SEC14L1: variants seen among roughly 807,000 people sequenced by gnomAD.
The protein encoded by SEC14L1 is SEC14 like lipid binding 1.
SEC14L1 carries 48 observed loss-of-function variants against 85.3 expected under a neutral mutation model. That is an observed-to-expected ratio of 0.56 (90% confidence interval 0.45 to 0.72). SEC14L1 has a LOEUF of 0.72. Among genes scored for constraint, SEC14L1 ranks in the 30% least tolerant of loss-of-function variants. The pLI is 0.00. For missense variants in SEC14L1, 682 were observed against 921.4 expected (o/e 0.74, Z 3.36); for synonymous variants, 391 against 355.5 (o/e 1.10, Z -1.12).
At chr17:77,148,684 G>A (rs1275403105) in intron 3 of SEC14L1, among the ~76,000 whole-genome samples, 3 of 152,210 alleles carry the variant, frequency 2.0e-5, no homozygotes, top group East Asian at 1.9e-4. Context: ...TCGTTGCAGC[G>A]TAAGCCCCTC....
intron 3 of SEC14L1, among the ~76,000 whole-genome samples, chr17:77,174,577 C>T (rs943626145): frequency 6.6e-6 from 1 of 152,190 alleles, no homozygotes; most frequent in Non-Finnish European, 1.5e-5. Context: ...GCCTTTTTCT[C>T]CCGCGTTGCT....
chr17:77,154,540 T>C (rs1358983491), intron 3 of SEC14L1, among the ~76,000 whole-genome samples: 2 of 152,140 alleles, frequency 1.3e-5, no homozygotes, highest in Non-Finnish European at 2.9e-5. Flanking sequence ...TATCAGGGAC[T>C]GGGGCATCCA....
intron 3 of SEC14L1, among the ~76,000 whole-genome samples, chr17:77,130,387 G>A (rs1453867235): frequency 6.6e-6 from 1 of 152,018 alleles, no homozygotes; most frequent in Middle Eastern, 3.2e-3. Flanking sequence ...CGCTGTCTCG[G>A]CTCACTGCAA....
At chr17:77,212,501 C>T (rs1976811500) in intron 15 of SEC14L1, among the ~76,000 whole-genome samples, 1 of 152,216 alleles carries the variant, frequency 6.6e-6, no homozygotes, top group Non-Finnish European at 1.5e-5. Context: ...TCCCCCCCGC[C>T]TCATTTCACC....
At chr17:77,172,141 T>TA (rs1375705105) in intron 3 of SEC14L1, among the ~76,000 whole-genome samples, 4 of 152,094 alleles carry the variant, frequency 2.6e-5, no homozygotes, top group Non-Finnish European at 4.4e-5. Flanking sequence ...AGGGGGAAGA[T>TA]AACAAACTGA....
At chr17:77,150,072 T>G (rs1973488010) in intron 3 of SEC14L1, among the ~76,000 whole-genome samples, 1 of 152,196 alleles carries the variant, frequency 6.6e-6, no homozygotes, top group African/African-American at 2.4e-5. Flanking sequence ...CAGTTGTCGA[T>G]TAAATGGCCC....
upstream of SEC14L1, among the ~76,000 whole-genome samples, chr17:77,139,332 C>T (rs577363009): frequency 2.0e-4 from 30 of 152,008 alleles, no homozygotes; most frequent in African/African-American, 7.2e-4. Context: ...GCACCACACC[C>T]GGCTACTTTT....
intron 3 of SEC14L1, among the ~76,000 whole-genome samples, chr17:77,157,761 C>A (rs570783026): frequency 6.6e-6 from 1 of 152,080 alleles, no homozygotes; most frequent in Non-Finnish European, 1.5e-5. Flanking sequence ...CTCCTGACCT[C>A]GTGATGCGTC....
intron 3 of SEC14L1, among the ~76,000 whole-genome samples, chr17:77,179,111 T>C (rs938869607): frequency 1.3e-5 from 2 of 152,216 alleles, no homozygotes; most frequent in African/African-American, 2.4e-5. Context: ...GGTGTACGAA[T>C]GGAAGAAGCT....
chr17:77,150,583 T>C (rs1008896487), intron 3 of SEC14L1, among the ~76,000 whole-genome samples: 1 of 152,350 alleles, frequency 6.6e-6, no homozygotes, highest in South Asian at 2.1e-4. Flanking sequence ...GCGACTCATA[T>C]ATCTTACTTC....
chr17:77,164,970 CG>C (rs1974222667), intron 3 of SEC14L1, among the ~76,000 whole-genome samples: 1 of 152,172 alleles, frequency 6.6e-6, no homozygotes, highest in African/African-American at 2.4e-5. Context: ...CCAAGTAGAT[CG>C]TGTTTCCTTA....
At chr17:77,183,833 A>AT (rs35363686) in intron 3 of SEC14L1, among the ~76,000 whole-genome samples, 40,046 of 147,990 alleles carry the variant, frequency 0.27, 5,460 homozygotes, top group Middle Eastern at 0.33. Flanking sequence ...AGACTCTGAC[A>AT]TTTTTTTTTT....
At chr17:77,139,967 C>G (rs2143486102), upstream of SEC14L1, among the ~76,000 whole-genome samples, 1 of 152,296 alleles carries the variant, frequency 6.6e-6, no homozygotes, top group East Asian at 1.9e-4. Context: ...AATTCCTAAA[C>G]AGGTCCAAAA....
chr17:77,095,893 C>T (rs1423819119), intron 3 of SEC14L1, among the ~76,000 whole-genome samples: 2 of 152,018 alleles, frequency 1.3e-5, no homozygotes, highest in Admixed American at 6.6e-5. Context: ...TGGGCGCGCT[C>T]CTCCTACACA....
chr17:77,164,203 C>G lies in SEC14L1; in HGVS notation c.63+20544C>G, dbSNP rs150061734. Among the ~76,000 whole-genome samples, 192 of 152,312 alleles carry G rather than the reference C, an allele frequency of 1.3e-3. 1 individual carries two copies. The highest frequency in any genetic ancestry group is 7.0e-3 in the South Asian group (34 of 4,830). ...TGTGGGCTGACCCGGTACCGTGCCCCCGAGCAGGCAGAGCGCCTGTGCCCA... is the reference window on the plus strand; with the variant it reads ...TGTGGGCTGACCCGGTACCGTGCCCGCGAGCAGGCAGAGCGCCTGTGCCCA... On this transcript the variant is annotated intron_variant, in intron 3 of 16. Transcript: ENST00000436233.
intron 8 of SEC14L1, among the ~76,000 whole-genome samples, chr17:77,196,617 G>A (rs967775903): frequency 6.6e-6 from 1 of 152,210 alleles, no homozygotes; most frequent in Non-Finnish European, 1.5e-5. Context: ...TGTAAAAAGA[G>A]TTCAGAGATT....
At chr17:77,173,339 G>A (rs1369557085) in intron 3 of SEC14L1, among the ~76,000 whole-genome samples, 1 of 150,882 alleles carries the variant, frequency 6.6e-6, no homozygotes, top group Non-Finnish European at 1.5e-5. Context: ...CAGGAGTTAG[G>A]ATTATAAAGA....
At chr17:77,152,373 T>TA (rs1235733586) in intron 3 of SEC14L1, among the ~76,000 whole-genome samples, 1 of 151,924 alleles carries the variant, frequency 6.6e-6, no homozygotes, top group African/African-American at 2.4e-5. Context: ...TTGTTTCTAC[T>TA]AAAAATACAA....
At chr17:77,143,259 G>A (rs1973138954) in intron 2 of SEC14L1, among the ~76,000 whole-genome samples, 1 of 152,152 alleles carries the variant, frequency 6.6e-6, no homozygotes, top group African/African-American at 2.4e-5. Context: ...TTCATTGCTG[G>A]AAAGGACTCA....
Sources: allele counts gnomAD v4.1 joint callset (sites outside exome capture counted in the v4.1 genomes callset), GRCh38; gene constraint gnomAD v4.1.1; transcripts MANE v1.5; gene names NCBI Gene and HGNC (gene_info 2026-07-23, HGNC 2026-07-21).